The following PDLIM5 variants were observed in gnomAD, a reference collection of about 807,000 sequenced individuals.
PDLIM5 encodes PDZ and LIM domain 5.
A neutral mutation model predicts 64.2 loss-of-function variants in PDLIM5; 34 were observed. That is an observed-to-expected ratio of 0.53 (90% CI 0.40 to 0.71). The LOEUF (loss-of-function observed/expected upper bound fraction) is 0.71. Among genes scored for constraint, PDLIM5 ranks in the 30% least tolerant of loss-of-function variants. The pLI is 0.00. For missense variants in PDLIM5, 683 were observed against 733.6 expected (o/e 0.93, Z 0.80); for synonymous variants, 253 against 269.1 (o/e 0.94, Z 0.59).
chr4:94,651,898 C>A (rs1317644890), intron 9 of PDLIM5, among the ~76,000 whole-genome samples: 1 of 152,188 alleles, frequency 6.6e-6, no homozygotes, highest in Non-Finnish European at 1.5e-5. Flanking sequence ...TCATGTATCA[C>A]AACAAGCACC....
intron 2 of PDLIM5, among the ~76,000 whole-genome samples, chr4:94,509,978 G>A (rs555804047): frequency 2.0e-5 from 3 of 152,186 alleles, no homozygotes; most frequent in South Asian, 2.1e-4. Context: ...AAGTTGCCAC[G>A]CAGTATCAAC....
chr4:94,501,780 C>G (rs1332176396), intron 2 of PDLIM5, among the ~76,000 whole-genome samples: 1 of 152,164 alleles, frequency 6.6e-6, no homozygotes, highest in Non-Finnish European at 1.5e-5. Flanking sequence ...TCCCTCTTCT[C>G]AGAGATAGAC....
At chr4:94,513,714 TTTTG>T (rs1174663150) in intron 2 of PDLIM5, among the ~76,000 whole-genome samples, 1 of 152,188 alleles carries the variant, frequency 6.6e-6, no homozygotes, top group African/African-American at 2.4e-5. Flanking sequence ...GTTGTATCTT[TTTTG>T]TTTGTTTGTT....
chr4:94,631,878 G>C (rs1392587353), intron 8 of PDLIM5, among the ~76,000 whole-genome samples: 1 of 152,148 alleles, frequency 6.6e-6, no homozygotes, highest in Non-Finnish European at 1.5e-5. Flanking sequence ...TACTTTCCCT[G>C]AAACAGTCTC....
intron 9 of PDLIM5, among the ~76,000 whole-genome samples, chr4:94,643,762 T>C (rs1047750676): frequency 6.6e-6 from 1 of 152,088 alleles, no homozygotes; most frequent in Non-Finnish European, 1.5e-5. Context: ...AGAGAAAAAA[T>C]TTTAACATTA....
intron 3 of PDLIM5, chr4:94,549,705 T>A (rs1732636164): frequency 6.6e-6 from 1 of 152,188 alleles, no homozygotes; most frequent in Non-Finnish European, 1.5e-5. Context: ...TGTACACACA[T>A]GTTAGAGGGC....
intron 2 of PDLIM5, among the ~76,000 whole-genome samples, chr4:94,507,597 G>C (rs1282659196): frequency 2.6e-5 from 4 of 152,196 alleles, no homozygotes; most frequent in Admixed American, 6.5e-5. Context: ...TAAGATTACA[G>C]TAAAATATTG....
rs541275760 is a variant in PDLIM5 at position 94,592,033 on chromosome 4, T to A, written c.920+5589T>A. 2.0e-5 allele frequency among the ~76,000 whole-genome samples: 3 copies of A among 152,338 alleles called. No individual in the cohort carries two copies. In the South Asian group the frequency reaches 6.2e-4, roughly 32 times the overall value. Reference sequence around the variant, plus strand: ...GAAGTCTTCAAAGTAAAAGATCAGTTAAGGGAGGACTGAAAGTCATGTGGA... The same window carrying A: ...GAAGTCTTCAAAGTAAAAGATCAGTAAAGGGAGGACTGAAAGTCATGTGGA... On this transcript the variant is annotated intron_variant, in intron 7 of 12. Transcript: ENST00000317968.
chr4:94,573,699 A>C (rs1351304091), intron 4 of PDLIM5: 1 of 325,580 alleles, frequency 3.1e-6, no homozygotes, highest in Non-Finnish European at 5.7e-6. Context: ...TTTTCTAAAG[A>C]GAATAAATAA....
chr4:94,642,162 G>A (rs1741047759), intron 9 of PDLIM5, among the ~76,000 whole-genome samples: 2 of 152,106 alleles, frequency 1.3e-5, no homozygotes, highest in African/African-American at 2.4e-5. Flanking sequence ...TGATGCTTAG[G>A]GATACTATAT....
At chr4:94,479,136 G>A (rs1725615998) in intron 2 of PDLIM5, among the ~76,000 whole-genome samples, 3 of 151,378 alleles carry the variant, frequency 2.0e-5, no homozygotes, top group South Asian at 4.2e-4. Context: ...CTGGGCTCAA[G>A]CAATCCTCCC....
At chr4:94,528,168 T>G (rs764218282) in intron 3 of PDLIM5, among the ~76,000 whole-genome samples, 2 of 152,176 alleles carry the variant, frequency 1.3e-5, no homozygotes, top group Non-Finnish European at 2.9e-5. Context: ...CTCATGAAAT[T>G]CATTTCATCT....
At chr4:94,479,622 C>T (rs1004625181) in intron 2 of PDLIM5, among the ~76,000 whole-genome samples, 11 of 152,034 alleles carry the variant, frequency 7.2e-5, no homozygotes, top group Middle Eastern at 3.4e-3. Context: ...TGAGCCACTG[C>T]GCCTGGCCAG....
At chr4:94,619,370 G>A (rs554869265) in intron 8 of PDLIM5, among the ~76,000 whole-genome samples, 3 of 148,230 alleles carry the variant, frequency 2.0e-5, no homozygotes, top group African/African-American at 7.5e-5. Flanking sequence ...TTTTTCCACG[G>A]TGGCTCACGC....
chr4:94,458,954 C>G (rs111489062), intron 2 of PDLIM5, among the ~76,000 whole-genome samples: 1 of 152,112 alleles, frequency 6.6e-6, no homozygotes, highest in Non-Finnish European at 1.5e-5. Flanking sequence ...ATTTAATTTC[C>G]GATCCTTAAA....
intron 2 of PDLIM5, among the ~76,000 whole-genome samples, chr4:94,504,521 G>A (rs1728217951): frequency 2.6e-5 from 4 of 152,094 alleles, no homozygotes; most frequent in South Asian, 4.1e-4. Flanking sequence ...TCGTGACCTC[G>A]TGATCTGCCC....
chr4:94,586,678 G>T (rs185067065), intron 7 of PDLIM5, among the ~76,000 whole-genome samples: 7 of 152,144 alleles, frequency 4.6e-5, no homozygotes, highest in African/African-American at 1.4e-4. Context: ...TAAGAAGTGG[G>T]CAGAAGGGTA....
intron 2 of PDLIM5, among the ~76,000 whole-genome samples, chr4:94,485,793 C>T (rs1489329381): frequency 2.8e-5 from 4 of 145,124 alleles, no homozygotes; most frequent in South Asian, 2.1e-4. Flanking sequence ...GAAGTTGCAG[C>T]GAGCCAATAT....
At chr4:94,497,159 T>C (rs926214368) in intron 2 of PDLIM5, among the ~76,000 whole-genome samples, 21 of 152,248 alleles carry the variant, frequency 1.4e-4, no homozygotes, top group Non-Finnish European at 2.9e-4. Flanking sequence ...TTCTTTGTCC[T>C]ATGTATTATC....
Sources: allele counts gnomAD v4.1 joint callset (sites outside exome capture counted in the v4.1 genomes callset), GRCh38; gene constraint gnomAD v4.1.1; transcripts MANE v1.5; gene names NCBI Gene and HGNC (gene_info 2026-07-23, HGNC 2026-07-21).